SLC22A16: variants seen among roughly 807,000 people sequenced by gnomAD.
SLC22A16 encodes solute carrier family 22 member 16.
A neutral mutation model predicts 52.9 loss-of-function variants in SLC22A16; 53 were observed. The ratio of observed to expected loss-of-function variants is 1.00; its 90% confidence interval spans 0.80 to 1.26. SLC22A16 has a LOEUF of 1.26. Ranked by LOEUF, SLC22A16 falls within the 50% of genes most tolerant of loss-of-function variation. SLC22A16 has a pLI of 0.00. For missense variants in SLC22A16, 726 were observed against 704.0 expected, an observed-to-expected ratio of 1.03 and a Z score of -0.35; for synonymous variants, 291 against 268.8, an observed-to-expected ratio of 1.08 and a Z score of -0.81.
At chr6:110,444,730 T>A (rs935128133) in intron 3 of SLC22A16, among the ~76,000 whole-genome samples, 10 of 152,182 alleles carry the variant, frequency 6.6e-5, no homozygotes, top group African/African-American at 2.4e-4. Flanking sequence ...ATAATCAGTT[T>A]AATATTTTTG....
At chr6:110,468,687 G>GAAT (rs1776158578) in intron 1 of SLC22A16, among the ~76,000 whole-genome samples, 1 of 150,368 alleles carries the variant, frequency 6.7e-6, no homozygotes, top group Non-Finnish European at 1.5e-5. Context: ...AGAAGAAGAA[G>GAAT]AAAAAGAAAA....
chr6:110,476,268 C>T, intron 1 of SLC22A16: 1 of 1,200,834 alleles, frequency 8.3e-7, no homozygotes, highest in East Asian at 3.0e-5. Flanking sequence ...CAGGTCCCTC[C>T]TGCCCGGCAA....
intron 7 of SLC22A16, chr6:110,425,411 C>A: frequency 1.5e-6 from 2 of 1,318,490 alleles, no homozygotes; most frequent in Non-Finnish European, 2.0e-6. Context: ...AAGACACTTA[C>A]CCCATCTTTC....
chr6:110,427,620 C>T (rs778355007), intron 7 of SLC22A16, among the ~76,000 whole-genome samples: 2 of 152,124 alleles, frequency 1.3e-5, no homozygotes, highest in African/African-American at 2.4e-5. Flanking sequence ...CTGCCTCAGC[C>T]TCCCGAGTAG....
chr6:110,457,630 A>G (rs1775715571), intron 1 of SLC22A16, among the ~76,000 whole-genome samples: 1 of 152,220 alleles, frequency 6.6e-6, no homozygotes, highest in Non-Finnish European at 1.5e-5. Context: ...TTTCAATACT[A>G]TAATAATCCT....
At chr6:110,458,828 T>C (rs1231007449) in intron 1 of SLC22A16, among the ~76,000 whole-genome samples, 1 of 152,070 alleles carries the variant, frequency 6.6e-6, no homozygotes, top group African/African-American at 2.4e-5. Flanking sequence ...GAGCTCCTGG[T>C]TCTTGGGTTT....
At chr6:110,447,223 C>G (rs1381818945) in intron 2 of SLC22A16, among the ~76,000 whole-genome samples, 1 of 152,120 alleles carries the variant, frequency 6.6e-6, no homozygotes, top group Non-Finnish European at 1.5e-5. Context: ...CCTGATCACT[C>G]TGAGTCATCC....
At chr6:110,434,971 C>T (rs1275476584) in intron 6 of SLC22A16, among the ~76,000 whole-genome samples, 2 of 152,008 alleles carry the variant, frequency 1.3e-5, no homozygotes, top group East Asian at 3.9e-4. Context: ...GAATGAGACT[C>T]CATCTCGAAA....
chr6:110,467,668 G>T (rs1776117000), intron 1 of SLC22A16, among the ~76,000 whole-genome samples: 1 of 152,190 alleles, frequency 6.6e-6, no homozygotes, highest in South Asian at 2.1e-4. Context: ...TTTAGCCTGG[G>T]TCCCCCATCA....
intron 1 of SLC22A16, among the ~76,000 whole-genome samples, chr6:110,462,252 C>T (rs1036014109): frequency 1.3e-5 from 2 of 152,164 alleles, no homozygotes; most frequent in Non-Finnish European, 2.9e-5. Context: ...TATCAAGCTC[C>T]TTCAGATGAG....
At chr6:110,472,961 T>C (rs1776310245) in intron 1 of SLC22A16, among the ~76,000 whole-genome samples, 1 of 152,206 alleles carries the variant, frequency 6.6e-6, no homozygotes, top group Admixed American at 6.5e-5. Flanking sequence ...GAGTCCATCA[T>C]GGCTAAGAGC....
intron 7 of SLC22A16, among the ~76,000 whole-genome samples, chr6:110,427,247 CAA>C (rs71018390): frequency 5.4e-4 from 33 of 60,558 alleles, no homozygotes; most frequent in Non-Finnish European, 8.6e-4. Flanking sequence ...GACCCAATCT[CAA>C]AAAAAAAAAA....
intron 6 of SLC22A16, among the ~76,000 whole-genome samples, chr6:110,433,961 C>G (rs1396752891): frequency 6.6e-6 from 1 of 152,138 alleles, no homozygotes; most frequent in African/African-American, 2.4e-5. Flanking sequence ...GTCTGACGGG[C>G]CGGACGCAGT....
chr6:110,434,643 C>T (rs935849816), intron 6 of SLC22A16, among the ~76,000 whole-genome samples: 71 of 27,820 alleles, frequency 2.6e-3, no homozygotes, highest in African/African-American at 8.7e-3. Flanking sequence ...GCGGGTGGGG[C>T]GGGCAGGGTG....
At chr6:110,447,933 A>G (rs1775238817) in intron 2 of SLC22A16, among the ~76,000 whole-genome samples, 2 of 152,178 alleles carry the variant, frequency 1.3e-5, no homozygotes, top group African/African-American at 4.8e-5. Context: ...CTTCTTGGCT[A>G]TTATGAATAA....
chr6:110,444,225 T>C (rs1420326452), intron 3 of SLC22A16, among the ~76,000 whole-genome samples: 2 of 152,220 alleles, frequency 1.3e-5, no homozygotes, highest in Non-Finnish European at 2.9e-5. Context: ...GATTAGAATA[T>C]AATATGTGAC....
chr6:110,453,632 G>C (rs1775467926), intron 2 of SLC22A16: 1 of 456,106 alleles, frequency 2.2e-6, no homozygotes, highest in South Asian at 1.5e-5. Flanking sequence ...GGTTGAATTA[G>C]AGAGGAGGAG....
At chr6:110,457,762 A>G (rs746461834) in intron 1 of SLC22A16, among the ~76,000 whole-genome samples, 2 of 152,238 alleles carry the variant, frequency 1.3e-5, no homozygotes, top group African/African-American at 2.4e-5. Context: ...TAGGGCCACC[A>G]GAGGGCTCCT....
chr6:110,431,921 A>G (rs939355076), intron 6 of SLC22A16, among the ~76,000 whole-genome samples: 2 of 152,188 alleles, frequency 1.3e-5, no homozygotes, highest in African/African-American at 4.8e-5. Context: ...AAGAATAATA[A>G]GGTCTTCTAG....
Sources: allele counts gnomAD v4.1 joint callset (sites outside exome capture counted in the v4.1 genomes callset), GRCh38; gene constraint gnomAD v4.1.1; transcripts MANE v1.5; gene names NCBI Gene and HGNC (gene_info 2026-07-23, HGNC 2026-07-21).